Variants in TIMM23 observed in about 807,000 individuals in gnomAD.
TIMM23 encodes the protein translocase of inner mitochondrial membrane 23, also known as mitochondrial import inner membrane translocase subunit Tim23.
In TIMM23, 19 loss-of-function variants were observed where a neutral mutation model predicts 30.7. The observed-to-expected ratio is 0.62, with a 90% confidence interval of 0.43 to 0.91. TIMM23 has a LOEUF of 0.91. Among genes scored for constraint, TIMM23 ranks in the 40% least tolerant of loss-of-function variants. The pLI is 0.00. For synonymous variants in TIMM23, 78 were observed against 98.5 expected, an observed-to-expected ratio of 0.79 and a Z score of 1.23; for missense variants, 202 against 269.2, an observed-to-expected ratio of 0.75 and a Z score of 1.75.
At chr10:45,981,204 G>A (rs1554913966) in intron 2 of TIMM23, among the ~76,000 whole-genome samples, 1 of 143,208 alleles carries the variant, frequency 7.0e-6, no homozygotes, top group Non-Finnish European at 1.5e-5. Flanking sequence ...TTCCCAAAGC[G>A]CTGAGATTAC....
rs1182443496 is a variant in TIMM23, at chr10:45,975,464, G to A, written c.117G>A (p.Met39Ile). Residue 39 changes from methionine (M) to isoleucine (I), a missense_variant, in exon 2 of 7, where the codon ATG (methionine) becomes ATA (isoleucine). Met to Ile is a conservative substitution (Grantham distance 10). Transcript: ENST00000580018. The part of the protein sequence containing the change: ...ADLAGVPLTG[M>I]NPLSPYLNVD... Reference sequence around the variant, plus strand: ...TTGTTTTCTCTCTAGTAACTGGTATGAACCCTCTGTCTCCTTATTTAAATG... The same window carrying A: ...TTGTTTTCTCTCTAGTAACTGGTATAAACCCTCTGTCTCCTTATTTAAATG... 2.5e-6 allele frequency: 4 copies of A among 1,613,792 alleles called. No individual in the cohort carries two copies. The highest frequency in any genetic ancestry group is 2.7e-5 in the African/African-American group (2 of 74,910).
At chr10:45,990,664 C>T (rs2132268758) in intron 6 of TIMM23, 1 of 425,574 alleles carries the variant, frequency 2.3e-6, no homozygotes, top group African/African-American at 2.1e-5. Context: ...CTCAAGCAGT[C>T]ATCCTGCCTC....
Position 46,003,385 on chromosome 10 carries a change from G to T in TIMM23, c.*67G>T. 1 of 1,107,680 alleles carries T rather than the reference G, an allele frequency of 9.0e-7. No homozygotes were observed. The highest frequency in any genetic ancestry group is 1.3e-6 in the Non-Finnish European group (1 of 747,092). The allele number at this position is 1,107,680 out of a possible 1,614,324, so 68.6% of individuals were successfully genotyped here. ...TCTAGATCCTTTTATAAGACAGTTT[G>T]GAGTTATTCTCTCTCTTCTACCTAC... On this transcript the variant is annotated 3_prime_UTR_variant, in exon 7 of 7. Transcript: ENST00000580018.
At chr10:45,988,712 C>T (rs1838071350) in intron 5 of TIMM23, 25 bp from the exon 6 acceptor site, 3 of 1,611,020 alleles carry the variant, frequency 1.9e-6, no homozygotes, top group African/African-American at 1.3e-5. Context: ...TGTTTTGTCA[C>T]TGAGCACTTC....
intron 5 of TIMM23, among the ~76,000 whole-genome samples, chr10:45,986,802 TAC>T (rs1355965141): frequency 7.4e-5 from 8 of 108,706 alleles, no homozygotes; most frequent in Admixed American, 6.5e-4. Context: ...ATACTAGAAA[TAC>T]GTGTGTGTGT....
intron 6 of TIMM23, chr10:45,992,422 C>T (rs1554915948): frequency 2.9e-5 from 13 of 455,976 alleles, no homozygotes; most frequent in South Asian, 2.0e-4. Flanking sequence ...TTTCTAAACC[C>T]TGCATTAACA....
chr10:45,988,217 A>G (rs1838053823), intron 5 of TIMM23, among the ~76,000 whole-genome samples: 1 of 152,194 alleles, frequency 6.6e-6, no homozygotes, highest in South Asian at 2.1e-4. Context: ...CTCTACTACT[A>G]ATAGACTGGG....
intron 2 of TIMM23, among the ~76,000 whole-genome samples, 165 bp from the exon 3 acceptor site, chr10:45,982,358 T>A (rs1837874970): frequency 6.6e-6 from 1 of 152,254 alleles, no homozygotes; most frequent in African/African-American, 2.4e-5. Context: ...TCACTTTGAT[T>A]TAGGTGTTAC....
intron 6 of TIMM23, among the ~76,000 whole-genome samples, chr10:45,990,116 AT>A (rs782791725): frequency 0.041 from 5,553 of 135,814 alleles, 68 homozygotes; most frequent in East Asian, 0.067. Context: ...GCAACTTTTA[AT>A]TTTTTTTTTT....
chr10:45,993,452 C>T (rs1172656198), intron 6 of TIMM23, among the ~76,000 whole-genome samples: 1 of 151,892 alleles, frequency 6.6e-6, no homozygotes, highest in African/African-American at 2.4e-5. Flanking sequence ...CGGGGTTTCT[C>T]CATGTTGGTC....
chr10:45,986,961 C>A (rs1262757520), intron 5 of TIMM23, among the ~76,000 whole-genome samples: 6 of 152,124 alleles, frequency 3.9e-5, no homozygotes, highest in Admixed American at 3.9e-4. Context: ...TTCTTCCAGG[C>A]GTTTCTCTGC....
intron 6 of TIMM23, among the ~76,000 whole-genome samples, chr10:45,997,475 CAG>C (rs1308062435): frequency 6.6e-6 from 1 of 152,066 alleles, no homozygotes; most frequent in African/African-American, 2.4e-5. Flanking sequence ...GCTAAATGGG[CAG>C]AGAGTTTCAG....
At chr10:45,992,854 C>T (rs1239567876) in intron 6 of TIMM23, among the ~76,000 whole-genome samples, 1 of 152,204 alleles carries the variant, frequency 6.6e-6, no homozygotes, top group Non-Finnish European at 1.5e-5. Context: ...CCACGCCGGG[C>T]CAAGCCAGAT....
In TIMM23 at chr10:45,990,725, C is replaced by T. The variant is rs1838142397; in HGVS notation, c.514+1878C>T. On this transcript the variant is annotated intron_variant, in intron 6 of 6. Transcript: ENST00000580018. ...GATGTGAGCTACCATGCCTAGGCTG[C>T]TTTAATTCATTATTTTTTATTTTCA... The T allele has an allele frequency of 1.2e-5, 5 of 411,006 alleles. 1 individual carries two copies. The highest frequency in any genetic ancestry group is 9.0e-5 in the South Asian group (5 of 55,684). 25.5% of individuals were successfully genotyped at this position (411,006 alleles called of 1,614,324 possible).
chr10:45,993,267 C>CT (rs1838225784), intron 6 of TIMM23, among the ~76,000 whole-genome samples: 1 of 46,928 alleles, frequency 2.1e-5, no homozygotes, highest in Non-Finnish European at 4.2e-5. Context: ...TTTTTGGAGA[C>CT]TGAGTTTCAC....
chr10:45,998,311 T>G, intron 6 of TIMM23: 1 of 903,844 alleles, frequency 1.1e-6, no homozygotes, highest in Non-Finnish European at 1.3e-6. Flanking sequence ...TTAAATATTC[T>G]GGGCCTCATT....
At chr10:45,993,114 A>G (rs1838215978) in intron 6 of TIMM23, among the ~76,000 whole-genome samples, 1 of 152,086 alleles carries the variant, frequency 6.6e-6, no homozygotes, top group Admixed American at 6.5e-5. Flanking sequence ...CATACATTTT[A>G]GTTGTAGGAT....
At chr10:45,979,606 CTTTTTTTTTTT>C (rs1171770886) in intron 2 of TIMM23, among the ~76,000 whole-genome samples, 9 of 54,412 alleles carry the variant, frequency 1.7e-4, no homozygotes, top group Non-Finnish European at 2.9e-4. Context: ...CATGCCTGGC[CTTTTTTTTTTT>C]TTTTTTTTTT....
intron 6 of TIMM23, among the ~76,000 whole-genome samples, chr10:45,990,503 C>G (rs868907925): frequency 6.6e-6 from 1 of 151,534 alleles, no homozygotes; most frequent in African/African-American, 2.4e-5. Flanking sequence ...CTCACTGTAG[C>G]CTTGACCTCC....
Sources: allele counts gnomAD v4.1 joint callset (sites outside exome capture counted in the v4.1 genomes callset), GRCh38; gene constraint gnomAD v4.1.1; transcripts MANE v1.5; gene names NCBI Gene and HGNC (gene_info 2026-07-23, HGNC 2026-07-21).